SELENOP: variants seen among roughly 807,000 people sequenced by gnomAD.
SELENOP encodes selenoprotein P, plasma, 1.
In SELENOP, 36 loss-of-function variants were observed where a neutral mutation model predicts 41.0. The ratio of observed to expected loss-of-function variants is 0.88; its 90% CI spans 0.67 to 1.16. SELENOP has a LOEUF of 1.16. Among genes scored for constraint, SELENOP ranks in the 50% most tolerant of loss-of-function variants. The pLI, the probability that SELENOP is intolerant of heterozygous loss-of-function variation, is 0.00. For missense variants in SELENOP, 440 were observed against 454.2 expected, an observed-to-expected ratio of 0.97 and a Z score of 0.28; for synonymous variants, 144 against 150.8, an observed-to-expected ratio of 0.95 and a Z score of 0.33.
In SELENOP at chr5:42,800,652, G is replaced by T; in HGVS notation, c.*68C>A. ...CTATTTTTGGTTCACTAATTTGGTAGTTTATAAAAATGCTGGAAATGAAAT... is the reference window on the plus strand; with the variant it reads ...CTATTTTTGGTTCACTAATTTGGTATTTTATAAAAATGCTGGAAATGAAAT... On this transcript the variant is annotated 3_prime_UTR_variant, in exon 5 of 5. Transcript: ENST00000514985. The T allele has an allele frequency of 6.7e-7, 1 of 1,494,658 alleles. No individual in the cohort carries two copies. Among genetic ancestry groups the T allele is most frequent in the East Asian group, 2.3e-5 (1 of 43,724 alleles). The allele number at this position is 1,494,658 out of a possible 1,614,324, so 92.6% of individuals were successfully genotyped here.
intron 1 of SELENOP, among the ~76,000 whole-genome samples, chr5:42,810,477 TGAGACG>T (rs1760435258): frequency 6.6e-6 from 1 of 152,186 alleles, no homozygotes; most frequent in Non-Finnish European, 1.5e-5. Context: ...ATTTATTTTT[TGAGACG>T]GAGTCTTGCT....
Position 42,804,665 on chromosome 5 carries a change from G to A in SELENOP, c.525C>T (p.Cys175=), listed in dbSNP as rs200098025. 195 of 1,541,726 alleles carry A rather than the reference G, an allele frequency of 1.3e-4. No homozygotes were observed. Among genetic ancestry groups the A allele is most frequent in the Non-Finnish European group, 1.7e-4 (192 of 1,122,246 alleles). The change falls in exon 4 of 5, where the codon TGC becomes TGT. Residue 175 remains cysteine, a synonymous_variant. Transcript: ENST00000514985. ...IAYCEKKCGN[C]SLTTLKDEDF... is the part of the protein sequence containing the mutation. ...TAATTCAGAAAAATACCGTGAGAGA[G>A]CAGTTTCCACATTTCTTTTCACAGT...
At position 42,804,120 on chromosome 5, in the gene SELENOP, A is replaced by G. The variant is rs230818; in HGVS notation, c.534+536T>C. ...CGATACATTGATTTTTAATTTCTAA[A>G]GCTCTTCTAGATAAAGGCAGCAACA... On this transcript the variant is annotated intron_variant, in intron 4 of 4. Coordinates refer to ENST00000514985, the MANE Select transcript of SELENOP (RefSeq NM_005410.4). 2.1e-3 allele frequency among the ~76,000 whole-genome samples: 324 copies of G among 152,348 alleles called. 2 individuals are homozygous for G. The highest frequency in any genetic ancestry group is 7.3e-3 in the African/African-American group (303 of 41,572).
rs774711832 is a variant in SELENOP, at chr5:42,808,174, G to GT, written c.179dup (p.Tyr60Ter). The GT allele has an allele frequency of 2.6e-6, 4 of 1,556,994 alleles. No individual in the cohort carries two copies. The Admixed American group carries it at 7.9e-5, about 31-fold the overall frequency. Residue 60 changes from tyrosine (Y) to a stop codon, truncating the protein, a stop_gained and frameshift_variant, in exon 2 of 5, where the codon TAC becomes TAAC. Transcript: ENST00000514985. LOFTEE classifies it high-confidence loss of function. ...ACTTAGATGCCTGCAGTATGCACAG[G>GT]TATCAGCTGGCTTGAAGAAGAGCAA... ...TVVALLQASU[Y>*]LCILQASKLE...
chr5:42,802,035 T>C (rs529647738), intron 4 of SELENOP: 15 of 152,354 alleles, frequency 9.8e-5, no homozygotes, highest in African/African-American at 3.1e-4. Context: ...TCTCTGATAA[T>C]TCAAAAATGC....
At position 42,800,750 on chromosome 5, in the gene SELENOP, C is replaced by T. The variant is rs1348743808; in HGVS notation, c.1116G>A (p.Gln372=). Reference sequence around the variant, plus strand: ...TTGAAGGTCATTCTCACTTTTTTGCCTGATTCTTTCAGCGTCAACTGGCAC... The same window carrying T: ...TTGAAGGTCATTCTCACTTTTTTGCTTGATTCTTTCAGCGTCAACTGGCAC... ...EASASURUKN[Q]AKKUEUPSN is the part of the protein sequence containing the mutation. The change falls in exon 5 of 5, where the codon CAG becomes CAA. Residue 372 remains glutamine (Q), a synonymous_variant. Coordinates refer to ENST00000514985, the MANE Select transcript of SELENOP (RefSeq NM_005410.4). 7.5e-6 allele frequency: 12 copies of T among 1,603,938 alleles called. No homozygotes were observed. The highest frequency in any genetic ancestry group is 3.4e-5 in the Admixed American group (2 of 58,672).
intron 4 of SELENOP, 117 bp from the exon 5 acceptor site, chr5:42,801,448 G>C: frequency 1.3e-6 from 1 of 746,468 alleles, no homozygotes; most frequent in Non-Finnish European, 2.1e-6. Context: ...AATCGAGCTG[G>C]CTTTGTATTA....
chr5:42,811,184 C>T lies in SELENOP; in HGVS notation c.-14+652G>A, dbSNP rs546184025. 1.4e-4 allele frequency among the ~76,000 whole-genome samples: 22 copies of T among 152,286 alleles called. No individual in the cohort carries two copies. The South Asian group carries it at 4.6e-3, about 32-fold the overall frequency. ...CAGGATATGTACAAACTTTCTCTGT[C>T]CTCCACCTCTGAACTTTAGGCCAGC... On this transcript the variant is annotated intron_variant, in intron 1 of 4. Coordinates refer to ENST00000514985, the MANE Select transcript of SELENOP (RefSeq NM_005410.4).
intron 1 of SELENOP, among the ~76,000 whole-genome samples, chr5:42,810,281 T>G (rs1760431040): frequency 6.6e-6 from 1 of 152,176 alleles, no homozygotes; most frequent in Admixed American, 6.5e-5. Flanking sequence ...CTATTTTTGT[T>G]TATGCACTAA....
At chr5:42,803,971 C>G (rs1742874101) in intron 4 of SELENOP, among the ~76,000 whole-genome samples, 1 of 152,136 alleles carries the variant, frequency 6.6e-6, no homozygotes, top group Non-Finnish European at 1.5e-5. Flanking sequence ...TGTGGGTAAG[C>G]TTTGCTATTT....
chr5:42,805,848 A>C (rs1209704024), intron 3 of SELENOP: 1 of 152,220 alleles, frequency 6.6e-6, no homozygotes, highest in Non-Finnish European at 1.5e-5. Flanking sequence ...CTTTTTAAAA[A>C]GTCATTTCAA....
At chr5:42,802,680 G>A (rs28919915) in intron 4 of SELENOP, among the ~76,000 whole-genome samples, 3 of 152,120 alleles carry the variant, frequency 2.0e-5, no homozygotes, top group African/African-American at 4.8e-5. Context: ...GCACGACCTC[G>A]ACTCACTGCA....
rs764096154 is a variant in SELENOP at position 42,800,952 on chromosome 5, C to T, written c.914G>A (p.Arg305Gln). ...CCCTGTTTTTTCAAATATCAGATGT[C>T]GACAATGGCAGCATCAGCTCCTAGG... ...LAPRSUCCHC[R>Q]HLIFEKTGSA... The change falls in exon 5 of 5, where the codon CGA (arginine) becomes CAA (glutamine). Residue 305 changes from arginine (R) to glutamine (Q), a missense_variant. Transcript: ENST00000514985. 8.1e-6 allele frequency: 13 copies of T among 1,614,082 alleles called. No homozygotes were observed. Among genetic ancestry groups the T allele is most frequent in the Admixed American group, 1.7e-5 (1 of 60,008 alleles).
chr5:42,807,362 G>A, intron 2 of SELENOP: 1 of 248,196 alleles, frequency 4.0e-6, no homozygotes, highest in East Asian at 7.5e-5. Flanking sequence ...ACGATGAAGT[G>A]TATATATTTT....
chr5:42,806,584 C>A, intron 3 of SELENOP: 1 of 223,898 alleles, frequency 4.5e-6, no homozygotes, highest in Non-Finnish European at 9.0e-6. Context: ...CAGAATAAAC[C>A]AAGGAAGAAT....
chr5:42,804,616 T>C, intron 4 of SELENOP, 40 bp downstream of exon 4: 1 of 1,164,158 alleles, frequency 8.6e-7, no homozygotes, highest in South Asian at 1.4e-5. Context: ...TCTTAAAAGA[T>C]TTCCTCTTTT....
chr5:42,800,665 C>T lies in SELENOP; in HGVS notation c.*55G>A. 2 of 1,504,066 alleles carry T rather than the reference C, an allele frequency of 1.3e-6. No homozygotes were observed. Among genetic ancestry groups the T allele is most frequent in the Non-Finnish European group, 1.8e-6 (2 of 1,126,126 alleles). 93.2% of individuals were successfully genotyped at this position (1,504,066 alleles called of 1,614,324 possible). ...ACTAATTTGGTAGTTTATAAAAATG[C>T]TGGAAATGAAATTGTGTCTAGACTA... On this transcript the variant is annotated 3_prime_UTR_variant, in exon 5 of 5. Coordinates refer to ENST00000514985, the MANE Select transcript of SELENOP (RefSeq NM_005410.4).
At chr5:42,801,555 G>A (rs1760203432) in intron 4 of SELENOP, 1 of 461,314 alleles carries the variant, frequency 2.2e-6, no homozygotes, top group South Asian at 6.1e-5. Context: ...ATTTGCAGAA[G>A]CAAATGAAGT....
rs1436164321 is a variant in SELENOP at position 42,801,302 on chromosome 5, A to G, written c.564T>C (p.Arg188=). ...TTTTATCCACAGTAGCCAAAGATAC[A>G]CGTTTACAAAAGTCTTCATCTTTGA... The part of the protein sequence containing the change: ...TTLKDEDFCK[R]VSLATVDKTV... The change falls in exon 5 of 5, where the codon CGT becomes CGC. Residue 188 remains arginine (R), a synonymous_variant. Coordinates refer to ENST00000514985, the MANE Select transcript of SELENOP (RefSeq NM_005410.4). 17 of 1,611,190 alleles carry G rather than the reference A, an allele frequency of 1.1e-5. No homozygotes were observed. The highest frequency in any genetic ancestry group is 1.4e-5 in the Non-Finnish European group (17 of 1,178,632).
Sources: gnomAD v4.1 joint callset for allele counts (sites outside exome capture counted in the v4.1 genomes callset) on GRCh38, gnomAD v4.1.1 for gene constraint, MANE v1.5 for transcripts, NCBI Gene and HGNC (gene_info 2026-07-23, HGNC 2026-07-21) for gene names.